NKAIN3: variants seen among roughly 807,000 people sequenced by gnomAD.
NKAIN3 encodes the protein sodium/potassium transporting ATPase interacting 3.
NKAIN3 carries 25 observed loss-of-function variants against 30.2 expected under a neutral mutation model. That is an observed-to-expected ratio of 0.83 (90% confidence interval 0.60 to 1.16). The LOEUF (loss-of-function observed/expected upper bound fraction) is 1.16. Ranked by LOEUF, NKAIN3 falls within the 50% of genes most tolerant of loss-of-function variation. NKAIN3 has a pLI of 0.00. For missense variants in NKAIN3, 225 were observed against 254.1 expected (o/e 0.89, Z 0.78); for synonymous variants, 91 against 89.6 (o/e 1.02, Z -0.09).
At chr8:62,414,478 T>C (rs972687849) in intron 1 of NKAIN3, among the ~76,000 whole-genome samples, 1 of 152,212 alleles carries the variant, frequency 6.6e-6, no homozygotes, top group Non-Finnish European at 1.5e-5. Context: ...ATAAAATGTG[T>C]TGTGTGACAG....
chr8:62,549,829 G>A (rs1331847791), intron 1 of NKAIN3, among the ~76,000 whole-genome samples: 2 of 150,380 alleles, frequency 1.3e-5, no homozygotes, highest in East Asian at 2.0e-4. Context: ...ATACATGCAC[G>A]TGCATACCTG....
chr8:62,751,929 A>G (rs1050075958), intron 4 of NKAIN3, among the ~76,000 whole-genome samples: 14 of 151,808 alleles, frequency 9.2e-5, no homozygotes, highest in African/African-American at 3.4e-4. Context: ...CACTATAATC[A>G]TTGAGTTTCT....
chr8:62,407,736 A>G (rs1036208177), intron 1 of NKAIN3, among the ~76,000 whole-genome samples: 4 of 152,126 alleles, frequency 2.6e-5, no homozygotes, highest in African/African-American at 4.8e-5. Context: ...CAGCCTGACT[A>G]GATAGTTTTC....
rs551694267 is a variant in NKAIN3 at position 62,323,476 on chromosome 8, C to A, written c.54+74349C>A. On this transcript the variant is annotated intron_variant, in intron 1 of 6. Coordinates refer to ENST00000623646, the MANE Select transcript of NKAIN3 (RefSeq NM_001304533.3). ...TATCCTTGGAAACAAGAATAAATAA[C>A]AAGAATGCTGTGAGTCCAAGGTTGG... Among the ~76,000 whole-genome samples the A allele has an allele frequency of 8.5e-5, 13 of 152,242 alleles. No homozygotes were observed. In the South Asian group the frequency reaches 2.7e-3, roughly 32 times the overall value.
rs543760428 is a variant in NKAIN3 at position 62,638,331 on chromosome 8, G to C, written c.273+48537G>C. On this transcript the variant is annotated intron_variant, in intron 3 of 6. Transcript: ENST00000623646. ...TTATTAATCCTCAACCTCATGGCAG[G>C]GTTTCCTAATCTGAGAAGTACATTC... Among the ~76,000 whole-genome samples, 127 of 152,148 alleles carry C rather than the reference G, an allele frequency of 8.3e-4. 1 individual carries two copies. Among genetic ancestry groups the C allele is most frequent in the Middle Eastern group, 6.8e-3 (2 of 294 alleles).
intron 1 of NKAIN3, among the ~76,000 whole-genome samples, chr8:62,288,256 T>C (rs1000097061): frequency 6.6e-6 from 1 of 152,190 alleles, no homozygotes; most frequent in Admixed American, 6.5e-5. Flanking sequence ...TCTTTTTTAA[T>C]TATACTTTAA....
At chr8:62,789,345 G>T (rs1817629166) in intron 4 of NKAIN3, among the ~76,000 whole-genome samples, 1 of 152,072 alleles carries the variant, frequency 6.6e-6, no homozygotes, top group Non-Finnish European at 1.5e-5. Context: ...GTCTGTTACT[G>T]GTGTATAAGA....
intron 4 of NKAIN3, among the ~76,000 whole-genome samples, chr8:62,873,824 T>C (rs1288775116): frequency 6.6e-6 from 1 of 152,018 alleles, no homozygotes; most frequent in Non-Finnish European, 1.5e-5. Context: ...CTCTGGGTTA[T>C]GGCTAAAGCA....
At chr8:62,917,818 A>G (rs759053039) in intron 4 of NKAIN3, among the ~76,000 whole-genome samples, 3 of 152,204 alleles carry the variant, frequency 2.0e-5, no homozygotes, top group Non-Finnish European at 4.4e-5. Flanking sequence ...TCCTCTTAGC[A>G]TCATAAATGC....
chr8:62,398,470 C>G (rs1817835725), intron 1 of NKAIN3, among the ~76,000 whole-genome samples: 1 of 152,206 alleles, frequency 6.6e-6, no homozygotes, highest in South Asian at 2.1e-4. Context: ...GGCAGTTCTG[C>G]AAGAACTTCC....
At chr8:62,876,305 AG>A (rs574329559) in intron 4 of NKAIN3, among the ~76,000 whole-genome samples, 48 of 152,330 alleles carry the variant, frequency 3.2e-4, no homozygotes, top group African/African-American at 1.2e-3. Context: ...TCAAAAAGTC[AG>A]GAAACAATAG....
At chr8:62,852,939 A>C (rs1419647666) in intron 4 of NKAIN3, among the ~76,000 whole-genome samples, 2 of 151,960 alleles carry the variant, frequency 1.3e-5, no homozygotes, top group Admixed American at 1.3e-4. Flanking sequence ...TGTTGATTTG[A>C]GGTGGAGAGT....
At chr8:62,460,550 AG>A (rs1805970163) in intron 1 of NKAIN3, among the ~76,000 whole-genome samples, 1 of 152,160 alleles carries the variant, frequency 6.6e-6, no homozygotes, top group South Asian at 2.1e-4. Context: ...AAGAACAATG[AG>A]CTTTGTAATA....
At chr8:62,282,191 C>A (rs907545382) in intron 1 of NKAIN3, among the ~76,000 whole-genome samples, 2 of 152,056 alleles carry the variant, frequency 1.3e-5, no homozygotes, top group East Asian at 1.9e-4. Flanking sequence ...AAAACCCACT[C>A]GGGAAATTGG....
intron 4 of NKAIN3, among the ~76,000 whole-genome samples, chr8:62,754,766 T>C (rs902759748): frequency 2.6e-5 from 4 of 152,186 alleles, no homozygotes; most frequent in African/African-American, 9.6e-5. Flanking sequence ...AAAGTAATAT[T>C]AGACCACAAG....
intron 3 of NKAIN3, among the ~76,000 whole-genome samples, chr8:62,645,076 T>C (rs2130311089): frequency 6.6e-6 from 1 of 152,230 alleles, no homozygotes; most frequent in African/African-American, 2.4e-5. Context: ...CAAATCGCAG[T>C]GGTCTCTTGA....
At position 62,923,510 on chromosome 8, in the gene NKAIN3, A is replaced by C. The variant is rs1042277312; in HGVS notation, c.532+4997A>C. ...GCAAATGTTTATGTGAGGCAAGTGG[A>C]GGTCCTACATTTTTAATGCAATTAG... is the stretch of plus-strand genomic sequence containing the variant. On this transcript the variant is annotated intron_variant, in intron 5 of 6. Transcript: ENST00000623646. Among the ~76,000 whole-genome samples the C allele has an allele frequency of 3.9e-5, 6 of 152,310 alleles. No homozygotes were observed. The South Asian group carries it at 8.3e-4, about 21-fold the overall frequency.
At chr8:62,674,849 G>A (rs1385235519) in intron 3 of NKAIN3, among the ~76,000 whole-genome samples, 1 of 152,182 alleles carries the variant, frequency 6.6e-6, no homozygotes, top group Non-Finnish European at 1.5e-5. Flanking sequence ...AGAACAGATG[G>A]TCTTGCTCTG....
At chr8:62,844,179 C>T (rs1226419038) in intron 4 of NKAIN3, among the ~76,000 whole-genome samples, 1 of 152,122 alleles carries the variant, frequency 6.6e-6, no homozygotes, top group Non-Finnish European at 1.5e-5. Context: ...AACAGGGCAA[C>T]TTTGGCCTTA....
Sources: gnomAD v4.1 joint callset for allele counts (sites outside exome capture counted in the v4.1 genomes callset) on GRCh38, gnomAD v4.1.1 for gene constraint, MANE v1.5 for transcripts, NCBI Gene and HGNC (gene_info 2026-07-23, HGNC 2026-07-21) for gene names.